NADSYN1: variants seen among roughly 807,000 people sequenced by gnomAD.
NADSYN1 encodes NAD synthetase 1.
NADSYN1 carries 80 observed loss-of-function variants against 99.3 expected under a neutral mutation model. That is an observed-to-expected ratio of 0.81 (90% CI 0.67 to 0.97). The LOEUF is 0.97. Ranked by LOEUF, NADSYN1 falls within the 50% of genes least tolerant of loss-of-function variation. The pLI, the probability that NADSYN1 is intolerant of heterozygous loss-of-function variation, is 0.00. For synonymous variants in NADSYN1, 385 were observed against 372.1 expected, an observed-to-expected ratio of 1.03 and a Z score of -0.40; for missense variants, 859 against 948.5, an observed-to-expected ratio of 0.91 and a Z score of 1.24.
At chr11:71,476,995 G>T (rs1023256904) in intron 9 of NADSYN1, 1 of 1,043,318 alleles carries the variant, frequency 9.6e-7, no homozygotes. Flanking sequence ...GAGTGGCCGC[G>T]CTGTCCTCAG....
chr11:71,469,454 A>T (rs1949613313), intron 5 of NADSYN1, among the ~76,000 whole-genome samples: 1 of 152,202 alleles, frequency 6.6e-6, no homozygotes, highest in African/African-American at 2.4e-5. Flanking sequence ...AGTGGGAATC[A>T]GGGGGCTGAC....
At chr11:71,460,218 CAT>C (rs1949542296) in intron 3 of NADSYN1, 1 of 152,368 alleles carries the variant, frequency 6.6e-6, no homozygotes, top group South Asian at 2.1e-4. Flanking sequence ...CCTCAGGTAA[CAT>C]AACACAGTCA....
intron 16 of NADSYN1, among the ~76,000 whole-genome samples, chr11:71,490,181 T>C (rs1172529587): frequency 6.6e-6 from 1 of 152,152 alleles, no homozygotes; most frequent in Non-Finnish European, 1.5e-5. Context: ...CCGCCTTCTT[T>C]GGCTCACGAC....
At chr11:71,491,726 G>C in intron 17 of NADSYN1, 108 bp from the exon 18 acceptor site, 1 of 983,458 alleles carries the variant, frequency 1.0e-6, no homozygotes, top group South Asian at 1.5e-5. Context: ...ACGGTGAACG[G>C]AGTGGCCGGG....
intron 13 of NADSYN1, 57 bp downstream of exon 13, chr11:71,482,082 G>A (rs1162385367): frequency 2.6e-6 from 4 of 1,509,550 alleles, no homozygotes; most frequent in Non-Finnish European, 2.7e-6. Context: ...TGGGCTGCCT[G>A]AGTTAGGGAC....
chr11:71,498,224 C>T, intron 19 of NADSYN1, 128 bp from the exon 20 acceptor site: 1 of 1,053,214 alleles, frequency 9.5e-7, no homozygotes, highest in Non-Finnish European at 1.4e-6. Flanking sequence ...CCCACACCTG[C>T]CATCGTGGAA....
chr11:71,487,967 TTCTC>T (rs1160630200), intron 16 of NADSYN1, among the ~76,000 whole-genome samples: 3 of 152,172 alleles, frequency 2.0e-5, no homozygotes, highest in Non-Finnish European at 2.9e-5. Flanking sequence ...ACTGAAGCCC[TTCTC>T]TCTGTTTCCC....
intron 1 of NADSYN1, among the ~76,000 whole-genome samples, chr11:71,453,891 G>C (rs968108120): frequency 2.0e-5 from 3 of 152,140 alleles, no homozygotes; most frequent in Non-Finnish European, 2.9e-5. Context: ...AGTCACCTGA[G>C]GTCAGGAGTT....
At chr11:71,473,046 G>A (rs1206634822) in intron 6 of NADSYN1, among the ~76,000 whole-genome samples, 1 of 152,206 alleles carries the variant, frequency 6.6e-6, no homozygotes, top group African/African-American at 2.4e-5. Context: ...CCCCTTGGCT[G>A]CTCAGAGTAC....
intron 16 of NADSYN1, among the ~76,000 whole-genome samples, chr11:71,487,347 G>A (rs79771233): frequency 0.083 from 12,640 of 152,066 alleles, 631 homozygotes; most frequent in African/African-American, 0.14. Context: ...ATTGATGTTT[G>A]CTTTGGCTCT....
At chr11:71,477,559 C>A in intron 9 of NADSYN1, 1 of 699,802 alleles carries the variant, frequency 1.4e-6, no homozygotes, top group South Asian at 1.8e-5. Context: ...TTTAGCAAGG[C>A]AACACTCAGG....
At chr11:71,489,052 A>G (rs1036992883) in intron 16 of NADSYN1, among the ~76,000 whole-genome samples, 2 of 152,014 alleles carry the variant, frequency 1.3e-5, no homozygotes, top group Non-Finnish European at 2.9e-5. Flanking sequence ...AGAAGGTTCC[A>G]GAGAGAGCAG....
chr11:71,483,066 A>C, intron 14 of NADSYN1, 49 bp downstream of exon 14: 3 of 1,605,496 alleles, frequency 1.9e-6, no homozygotes, highest in Non-Finnish European at 2.6e-6. Context: ...GACAGAGCTC[A>C]GAGTCACTGG....
At chr11:71,490,492 C>A (rs1949771117) in intron 16 of NADSYN1, among the ~76,000 whole-genome samples, 1 of 152,142 alleles carries the variant, frequency 6.6e-6, no homozygotes, top group Non-Finnish European at 1.5e-5. Context: ...AGGGGAGGGG[C>A]CCGCGGCCGC....
intron 5 of NADSYN1, among the ~76,000 whole-genome samples, chr11:71,471,544 G>A (rs970963161): frequency 2.9e-4 from 44 of 152,298 alleles, no homozygotes; most frequent in Admixed American, 1.0e-3. Flanking sequence ...TGTCCAGGGT[G>A]TCTTTGCATG....
At chr11:71,472,868 A>G (rs1591126776) in intron 6 of NADSYN1, among the ~76,000 whole-genome samples, 2 of 152,320 alleles carry the variant, frequency 1.3e-5, no homozygotes, top group East Asian at 3.9e-4. Context: ...TTTGAATTCT[A>G]AGGGAAGGCA....
intron 20 of NADSYN1, chr11:71,499,118 A>C (rs1210231092): frequency 6.5e-6 from 1 of 152,832 alleles, no homozygotes; most frequent in Non-Finnish European, 1.5e-5. Flanking sequence ...AAATGGCAGA[A>C]TTTCCTTCTT....
In NADSYN1 at chr11:71,501,439, C is replaced by A; in HGVS notation, c.*87C>A. 2 of 1,319,822 alleles carry A rather than the reference C, an allele frequency of 1.5e-6. No homozygotes were observed. The highest frequency in any genetic ancestry group is 2.1e-6 in the Non-Finnish European group (2 of 949,666). 81.8% of individuals were successfully genotyped at this position (1,319,822 alleles called of 1,614,324 possible). A position where few individuals can be genotyped will look rare whatever the true frequency, so the allele number is the denominator to read the frequency against. ...GCTGGAGCCAAGGGTAGGAGCCCTA[C>A]ACTAGGAGCCCAGGATGGGACGGCG... On this transcript the variant is annotated 3_prime_UTR_variant, in exon 21 of 21. Transcript: ENST00000319023.
chr11:71,469,665 T>C (rs1626291), intron 5 of NADSYN1, among the ~76,000 whole-genome samples: 135,419 of 152,278 alleles, frequency 0.89, 60,708 homozygotes, highest in Non-Finnish European at 0.95. Context: ...ACGCCTTAAG[T>C]GGTTTTCCGC....
Sources: gnomAD v4.1 joint callset for allele counts (sites outside exome capture counted in the v4.1 genomes callset) on GRCh38, gnomAD v4.1.1 for gene constraint, MANE v1.5 for transcripts, NCBI Gene and HGNC (gene_info 2026-07-23, HGNC 2026-07-21) for gene names.